Variants in PIGL observed in about 807,000 individuals in gnomAD.
The protein encoded by PIGL is N-acetylglucosaminyl-phosphatidylinositol de-N-acetylase.
PIGL carries 22 observed loss-of-function variants against 31.1 expected under a neutral mutation model. That is an observed-to-expected ratio of 0.71 (90% confidence interval 0.51 to 1.01). The LOEUF is 1.01. Among genes scored for constraint, PIGL ranks in the 50% least tolerant of loss-of-function variants. PIGL has a pLI of 0.00. For missense variants in PIGL, 302 were observed against 315.9 expected, an observed-to-expected ratio of 0.96 and a Z score of 0.33; for synonymous variants, 131 against 117.4, an observed-to-expected ratio of 1.12 and a Z score of -0.75.
intron 2 of PIGL, among the ~76,000 whole-genome samples, chr17:16,235,435 CTTTTTTTTTTTTTT>C (rs903174807): frequency 1.1e-5 from 1 of 90,924 alleles, no homozygotes; most frequent in Non-Finnish European, 2.2e-5. Flanking sequence ...TGTCTACGTT[CTTTTTTTTTTTTTT>C]TTTTTTTTTT....
chr17:16,243,956 G>C (rs1042078215), intron 2 of PIGL, among the ~76,000 whole-genome samples: 9 of 152,190 alleles, frequency 5.9e-5, no homozygotes, highest in Admixed American at 2.0e-4. Context: ...GTGGTGGGTG[G>C]GGCGAAGCCA....
intron 3 of PIGL, among the ~76,000 whole-genome samples, chr17:16,304,671 G>GT (rs2093019415): frequency 6.6e-6 from 1 of 152,156 alleles, no homozygotes; most frequent in Non-Finnish European, 1.5e-5. Context: ...GCCTAGGGGG[G>GT]TAGTAGTGTC....
At chr17:16,278,713 C>CAAAAA (rs57913710) in intron 2 of PIGL, among the ~76,000 whole-genome samples, 12 of 147,610 alleles carry the variant, frequency 8.1e-5, no homozygotes, top group African/African-American at 3.0e-4. Flanking sequence ...TAAATCTAGG[C>CAAAAA]AAAAAAAAAA....
chr17:16,278,264 C>T lies in PIGL; in HGVS notation c.336-21624C>T, dbSNP rs957416191. Reference sequence around the variant, plus strand: ...AGAAACAGGGTTTCGCCATGTTGGCCAGGCACAGGGACCTCAACAGCACAT... The same window carrying T: ...AGAAACAGGGTTTCGCCATGTTGGCTAGGCACAGGGACCTCAACAGCACAT... On this transcript the variant is annotated intron_variant, in intron 2 of 6. Coordinates refer to ENST00000225609, the MANE Select transcript of PIGL (RefSeq NM_004278.4). 5.9e-5 allele frequency among the ~76,000 whole-genome samples: 9 copies of T among 152,214 alleles called. 2 individuals are homozygous for T. Among genetic ancestry groups the T allele is most frequent in the African/African-American group, 2.2e-4 (9 of 41,548 alleles).
chr17:16,280,850 G>A (rs1156444856), intron 2 of PIGL, among the ~76,000 whole-genome samples: 2 of 152,112 alleles, frequency 1.3e-5, no homozygotes, highest in African/African-American at 2.4e-5. Flanking sequence ...GATTACAGAT[G>A]CCTGCCACTA....
chr17:16,220,891 C>G (rs2092625733), intron 1 of PIGL, among the ~76,000 whole-genome samples: 1 of 152,108 alleles, frequency 6.6e-6, no homozygotes, highest in Non-Finnish European at 1.5e-5. Context: ...GCCCGGCCTC[C>G]CAAAGTGCTG....
chr17:16,218,898 C>CA (rs1408147415), intron 1 of PIGL, among the ~76,000 whole-genome samples: 3 of 151,518 alleles, frequency 2.0e-5, no homozygotes, highest in African/African-American at 4.9e-5. Flanking sequence ...AGGCTGGTCT[C>CA]AAACTCCTGA....
At chr17:16,280,599 A>G (rs1283762759) in intron 2 of PIGL, among the ~76,000 whole-genome samples, 2 of 152,144 alleles carry the variant, frequency 1.3e-5, no homozygotes, top group Admixed American at 1.3e-4. Flanking sequence ...CCCCAACCCA[A>G]ATGGTACATT....
intron 2 of PIGL, among the ~76,000 whole-genome samples, chr17:16,267,215 G>A (rs560008674): frequency 6.6e-6 from 1 of 152,228 alleles, no homozygotes; most frequent in Admixed American, 6.5e-5. Context: ...GAAAAGAAAT[G>A]TTATTAAGAA....
chr17:16,277,213 A>G (rs1467781943), intron 2 of PIGL, among the ~76,000 whole-genome samples: 10 of 152,352 alleles, frequency 6.6e-5, no homozygotes. Flanking sequence ...TTGATTCCTT[A>G]AAGGAAAGAG....
At chr17:16,244,971 C>A (rs753891865) in intron 2 of PIGL, among the ~76,000 whole-genome samples, 13 of 152,042 alleles carry the variant, frequency 8.6e-5, no homozygotes, top group Non-Finnish European at 1.6e-4. Context: ...AGCCATCACA[C>A]CCAGACTAGA....
chr17:16,285,582 A>T (rs1464907039), intron 2 of PIGL, among the ~76,000 whole-genome samples: 5 of 151,918 alleles, frequency 3.3e-5, no homozygotes, highest in Non-Finnish European at 7.4e-5. Context: ...AAAAAAAAAA[A>T]TCCATTTTAT....
Position 16,258,069 on chromosome 17 carries a change from AAGAGAGAGAG to A in PIGL, c.335+24023_335+24032del, listed in dbSNP as rs749459552. ...CAGGAGCAAAACTTTGTCAGAAAGA[AAGAGAGAGAG>A]AGAGAGAGAGAGAGAGAGAGAGAAA... On this transcript the variant is annotated intron_variant, in intron 2 of 6. Transcript: ENST00000225609. Among the ~76,000 whole-genome samples, 63 of 90,546 alleles carry A rather than the reference AAGAGAGAGAG, an allele frequency of 7.0e-4. 1 individual carries two copies. In the East Asian group the frequency reaches 8.6e-3, roughly 12 times the overall value. The allele number at this position is 90,546 out of a possible 152,430, so 59.4% of individuals were successfully genotyped here.
chr17:16,287,748 T>G (rs1361895286), intron 2 of PIGL, among the ~76,000 whole-genome samples: 1 of 152,202 alleles, frequency 6.6e-6, no homozygotes, highest in African/African-American at 2.4e-5. Context: ...GCTCTTACTC[T>G]GAACATGCCC....
chr17:16,317,611 G>C, intron 5 of PIGL, 164 bp from the exon 6 acceptor site: 1 of 1,434,492 alleles, frequency 7.0e-7, no homozygotes, highest in Admixed American at 2.6e-5. Context: ...CTAGCTGCAA[G>C]AATCATGGGC....
At position 16,319,490 on chromosome 17, in the gene PIGL, C is replaced by G. The variant is rs538075599; in HGVS notation, c.660+1582C>G. ...CTAGGGGAGGCCAGACGCCGTGGCT[C>G]ACGCCTGTAATCCTAACACTTTGGG... On this transcript the variant is annotated intron_variant, in intron 6 of 6. Coordinates refer to ENST00000225609, the MANE Select transcript of PIGL (RefSeq NM_004278.4). Among the ~76,000 whole-genome samples the G allele has an allele frequency of 1.6e-4, 25 of 152,252 alleles. No homozygotes were observed. The South Asian group carries it at 5.2e-3, about 32-fold the overall frequency.
At chr17:16,311,372 A>G (rs1243473068) in intron 3 of PIGL, among the ~76,000 whole-genome samples, 2 of 149,566 alleles carry the variant, frequency 1.3e-5, no homozygotes, top group African/African-American at 4.9e-5. Context: ...AATTATGATT[A>G]CATATGAGAT....
At chr17:16,266,906 TGGGGGG>T (rs5819561) in intron 2 of PIGL, among the ~76,000 whole-genome samples, 2 of 123,054 alleles carry the variant, frequency 1.6e-5, no homozygotes, top group African/African-American at 5.5e-5. Context: ...TCTTTTTTTT[TGGGGGG>T]GGGGGGGTTG....
chr17:16,306,395 C>A (rs1246754662), intron 3 of PIGL, among the ~76,000 whole-genome samples: 1 of 152,052 alleles, frequency 6.6e-6, no homozygotes, highest in Non-Finnish European at 1.5e-5. Flanking sequence ...CTGACTTGCC[C>A]AAGGTGCTGT....
Sources: gnomAD v4.1 joint callset for allele counts (sites outside exome capture counted in the v4.1 genomes callset) on GRCh38, gnomAD v4.1.1 for gene constraint, MANE v1.5 for transcripts, NCBI Gene and HGNC (gene_info 2026-07-23, HGNC 2026-07-21) for gene names.